NT5C1B: variants seen among roughly 807,000 people sequenced by gnomAD.
NT5C1B encodes cytosolic 5'-nucleotidase 1B.
Under a neutral mutation model 57.8 loss-of-function variants are expected in NT5C1B, and 44 were observed. The observed-to-expected ratio is 0.76, with a 90% CI of 0.60 to 0.98. The LOEUF (loss-of-function observed/expected upper bound fraction) is 0.98. NT5C1B is among the 50% of genes least tolerant of loss of function. The probability of loss-of-function intolerance (pLI) is 0.00; values close to 1 mark genes in which losing one functional copy is unlikely to be tolerated. For synonymous variants in NT5C1B, 284 were observed against 282.6 expected, an observed-to-expected ratio of 1.00 and a Z score of -0.05; for missense variants, 742 against 719.5, an observed-to-expected ratio of 1.03 and a Z score of -0.36.
At chr2:18,583,211 A>G (rs1020351195) in intron 5 of NT5C1B, among the ~76,000 whole-genome samples, 3 of 152,174 alleles carry the variant, frequency 2.0e-5, no homozygotes, top group African/African-American at 7.2e-5. Context: ...TACATGAGTA[A>G]TGTTTGTTGA....
chr2:18,576,965 G>C (rs1665740769), intron 6 of NT5C1B, 70 bp from the exon 7 acceptor site: 2 of 1,599,812 alleles, frequency 1.3e-6, no homozygotes, highest in African/African-American at 1.3e-5. Context: ...CCAAGTAAAA[G>C]TTACCTTAGA....
At chr2:18,568,426 TAAAC>T (rs777015267) in intron 8 of NT5C1B, among the ~76,000 whole-genome samples, 3 of 151,994 alleles carry the variant, frequency 2.0e-5, no homozygotes, top group Non-Finnish European at 2.9e-5. Context: ...CATGAAATGT[TAAAC>T]AAAACAAAAT....
Position 18,584,115 on chromosome 2 carries a change from G to A in NT5C1B, c.864C>T (p.Thr288=), listed in dbSNP as rs1372024660. Residue 288 remains threonine, a synonymous_variant, in exon 5 of 9, where the codon ACC becomes ACT. Coordinates refer to ENST00000304081, the Ensembl canonical transcript of NT5C1B. The surrounding 1 kb of genome is among the most constrained non-coding windows in gnomAD (Gnocchi z 5.8). ...TGACGAAGCGGAACGCCGGGCCCGGGGTCAGGATGACGTTCTCATTGGTGA... is the reference window on the plus strand; with the variant it reads ...TGACGAAGCGGAACGCCGGGCCCGGAGTCAGGATGACGTTCTCATTGGTGA... 6.2e-7 allele frequency: 1 copy of A among 1,614,044 alleles called. No individual in the cohort carries two copies. The highest frequency in any genetic ancestry group is 8.5e-7 in the Non-Finnish European group (1 of 1,180,038).
At chr2:18,576,433 A>C in intron 7 of NT5C1B, 65 bp from the exon 8 acceptor site, 3 of 1,525,062 alleles carry the variant, frequency 2.0e-6, no homozygotes, top group Non-Finnish European at 2.6e-6. Context: ...TCTACCATTA[A>C]AAAAAACAAA....
chr2:18,589,127 C>T (rs1450422312), intron 1 of NT5C1B, among the ~76,000 whole-genome samples: 3 of 152,228 alleles, frequency 2.0e-5, no homozygotes, highest in Non-Finnish European at 4.4e-5. Context: ...TCTTCAAAGA[C>T]AGCCACTGTT....
Position 18,564,158 on chromosome 2 carries a change from G to C in NT5C1B, c.1330-39C>G, listed in dbSNP as rs544301640. On this transcript the variant is annotated intron_variant, in intron 8 of 8. Coordinates refer to ENST00000304081, the Ensembl canonical transcript of NT5C1B. ...ATATATCACAGCTGTGATACAGTGAGCCAAAGAAAGTGAATGCTAAAAAGC... is the reference window on the plus strand; with the variant it reads ...ATATATCACAGCTGTGATACAGTGACCCAAAGAAAGTGAATGCTAAAAAGC... 3 of 1,505,266 alleles carry C rather than the reference G, an allele frequency of 2.0e-6. No individual in the cohort carries two copies. In the Admixed American group the frequency reaches 6.7e-5, roughly 34 times the overall value. 93.2% of individuals were successfully genotyped at this position (1,505,266 alleles called of 1,614,324 possible). A position where few individuals can be genotyped will look rare whatever the true frequency, so the allele number is the denominator to read the frequency against.
intron 6 of NT5C1B, among the ~76,000 whole-genome samples, chr2:18,580,570 G>A (rs1328025629): frequency 1.3e-5 from 2 of 152,154 alleles, no homozygotes; most frequent in African/African-American, 4.8e-5. Context: ...AGCCGAGATA[G>A]CACTATTGCA....
chr2:18,585,835 C>T (rs1035896553), intron 3 of NT5C1B, among the ~76,000 whole-genome samples: 1 of 150,192 alleles, frequency 6.7e-6, no homozygotes, highest in Non-Finnish European at 1.5e-5. Flanking sequence ...TCAAAACTAA[C>T]TTTTTTTTTT....
At chr2:18,575,103 CT>C (rs1665558436) in intron 8 of NT5C1B, among the ~76,000 whole-genome samples, 1 of 151,940 alleles carries the variant, frequency 6.6e-6, no homozygotes, top group African/African-American at 2.4e-5. Context: ...GGAAGTAATG[CT>C]TTCTTTGAAG....
intron 3 of NT5C1B, among the ~76,000 whole-genome samples, chr2:18,585,515 T>C (rs551064048): frequency 1.2e-4 from 18 of 152,228 alleles, no homozygotes; most frequent in Admixed American, 6.5e-4. Flanking sequence ...GCTGGGAAAG[T>C]CTCTTGTCTG....
chr2:18,586,122 G>T, intron 3 of NT5C1B, 132 bp downstream of exon 3: 1 of 1,378,308 alleles, frequency 7.3e-7, no homozygotes, highest in Non-Finnish European at 9.6e-7. Context: ...GCAGAAGGGA[G>T]TTCTCCCAAG....
At chr2:18,577,895 C>A (rs1375795930) in intron 6 of NT5C1B, among the ~76,000 whole-genome samples, 1 of 151,834 alleles carries the variant, frequency 6.6e-6, no homozygotes, top group African/African-American at 2.4e-5. Context: ...AGAGAAAAAT[C>A]CAAATAAACA....
intron 8 of NT5C1B, among the ~76,000 whole-genome samples, chr2:18,570,794 A>G (rs530998940): frequency 6.6e-6 from 1 of 152,332 alleles, no homozygotes; most frequent in South Asian, 2.1e-4. Flanking sequence ...ATAATACAAA[A>G]TATTAACAAA....
intron 8 of NT5C1B, among the ~76,000 whole-genome samples, chr2:18,564,734 A>G (rs1368308890): frequency 6.6e-6 from 1 of 152,196 alleles, no homozygotes; most frequent in African/African-American, 2.4e-5. Context: ...TTCATATTAC[A>G]AACATACTTG....
chr2:18,587,224 T>A (rs780273324), intron 2 of NT5C1B: 2 of 1,562,192 alleles, frequency 1.3e-6, no homozygotes, highest in South Asian at 2.4e-5. Context: ...CCCCCTCCCC[T>A]CCCTGATTTG....
At chr2:18,585,173 C>T (rs892929924) in intron 3 of NT5C1B, 195 bp from the exon 4 acceptor site, 2 of 819,076 alleles carry the variant, frequency 2.4e-6, no homozygotes, top group Admixed American at 1.7e-5. Context: ...GACACAGAGA[C>T]TGTCTGCTTT....
chr2:18,567,397 A>G (rs1664742946), intron 8 of NT5C1B, among the ~76,000 whole-genome samples: 1 of 152,152 alleles, frequency 6.6e-6, no homozygotes, highest in Non-Finnish European at 1.5e-5. Flanking sequence ...ACCATTAGAT[A>G]TTGGCTATCA....
At chr2:18,567,969 A>G (rs1386582133) in intron 8 of NT5C1B, among the ~76,000 whole-genome samples, 1 of 152,140 alleles carries the variant, frequency 6.6e-6, no homozygotes, top group Non-Finnish European at 1.5e-5. Flanking sequence ...AGTAGACTCA[A>G]CACAGCTGAA....
intron 8 of NT5C1B, among the ~76,000 whole-genome samples, chr2:18,568,595 A>C (rs1664870605): frequency 6.6e-6 from 1 of 152,230 alleles, no homozygotes; most frequent in Non-Finnish European, 1.5e-5. Flanking sequence ...TTTAATTGCC[A>C]AAAACAGAAA....
Sources: allele counts gnomAD v4.1 joint callset (sites outside exome capture counted in the v4.1 genomes callset), GRCh38; gene constraint gnomAD v4.1.1; non-coding constraint Gnocchi (gnomAD v3.1); transcripts MANE v1.5; gene names NCBI Gene and HGNC (gene_info 2026-07-23, HGNC 2026-07-21).